STXBP5: variants seen among roughly 807,000 people sequenced by gnomAD.
STXBP5 encodes syntaxin-binding protein 5.
Under a neutral mutation model 152.4 loss-of-function variants are expected in STXBP5, and 50 were observed. The observed-to-expected ratio is 0.33, with a 90% CI of 0.26 to 0.42. The LOEUF (loss-of-function observed/expected upper bound fraction) is 0.42, where lower values mean the gene tolerates loss of function less well. Ranked by LOEUF, STXBP5 falls within the 10% of genes least tolerant of loss-of-function variation. The probability of loss-of-function intolerance (pLI) is 1.00; values close to 1 mark genes in which losing one functional copy is unlikely to be tolerated. For missense variants in STXBP5, 1,167 were observed against 1,388.6 expected (o/e 0.84, Z 2.54); for synonymous variants, 492 against 494.7 (o/e 0.99, Z 0.07).
chr6:147,323,247 A>G (rs1312740521), intron 16 of STXBP5, among the ~76,000 whole-genome samples: 1 of 152,032 alleles, frequency 6.6e-6, no homozygotes, highest in Non-Finnish European at 1.5e-5. Flanking sequence ...TACTCCATTA[A>G]TGTGTTTCAA....
At chr6:147,336,507 A>G (rs1296274526) in intron 19 of STXBP5, among the ~76,000 whole-genome samples, 1 of 151,982 alleles carries the variant, frequency 6.6e-6, no homozygotes, top group East Asian at 1.9e-4. Context: ...GGTGGTCAAA[A>G]AAGAATAACA....
intron 23 of STXBP5, among the ~76,000 whole-genome samples, chr6:147,361,610 G>T (rs1785070992): frequency 6.6e-6 from 1 of 152,052 alleles, no homozygotes; most frequent in South Asian, 2.1e-4. Context: ...TCTTCAAGAG[G>T]AAGATTCAAC....
At chr6:147,341,809 A>G (rs1784107609) in intron 21 of STXBP5, among the ~76,000 whole-genome samples, 2 of 152,144 alleles carry the variant, frequency 1.3e-5, no homozygotes, top group Admixed American at 6.6e-5. Flanking sequence ...AGCTGAGACT[A>G]TAATGATAAG....
At chr6:147,277,719 G>A (rs774032133) in intron 7 of STXBP5, among the ~76,000 whole-genome samples, 1 of 152,048 alleles carries the variant, frequency 6.6e-6, no homozygotes, top group Non-Finnish European at 1.5e-5. Context: ...ATTGCAACTA[G>A]TTTTTCTATT....
At chr6:147,281,900 A>T (rs1780720163) in intron 8 of STXBP5, among the ~76,000 whole-genome samples, 1 of 152,228 alleles carries the variant, frequency 6.6e-6, no homozygotes, top group Non-Finnish European at 1.5e-5. Context: ...TTAGGAAGTC[A>T]TTTAACATTT....
At chr6:147,343,172 T>C (rs1282677918) in intron 21 of STXBP5, among the ~76,000 whole-genome samples, 3 of 152,146 alleles carry the variant, frequency 2.0e-5, no homozygotes, top group Non-Finnish European at 4.4e-5. Flanking sequence ...GTATTCTTTA[T>C]GTGGTATTTA....
In STXBP5 at chr6:147,315,496, T is replaced by G. The variant is rs1782597771; in HGVS notation, c.1403-19T>G. The stretch of plus-strand genomic sequence containing the variant: ...TCATTTTATATTAAAGTATCTGACA[T>G]ATATTATCTTTTTTCCAGTAACTCT... On this transcript the variant is annotated intron_variant, in intron 14 of 27. Coordinates refer to ENST00000321680, the MANE Select transcript of STXBP5 (RefSeq NM_001127715.4). 2.0e-6 allele frequency: 3 copies of G among 1,493,886 alleles called. No individual in the cohort carries two copies. The allele number at this position is 1,493,886 out of a possible 1,614,324, so 92.5% of individuals were successfully genotyped here.
chr6:147,316,789 G>C (rs1782668017), intron 16 of STXBP5, among the ~76,000 whole-genome samples: 1 of 151,970 alleles, frequency 6.6e-6, no homozygotes, highest in African/African-American at 2.4e-5. Flanking sequence ...TTAAGACTCA[G>C]TTGTTTTCTA....
At chr6:147,376,545 C>T (rs933572639) in intron 26 of STXBP5, among the ~76,000 whole-genome samples, 3 of 152,086 alleles carry the variant, frequency 2.0e-5, no homozygotes, top group Non-Finnish European at 4.4e-5. Flanking sequence ...AGGCCAGCGT[C>T]GAGTCTCACA....
intron 9 of STXBP5, among the ~76,000 whole-genome samples, chr6:147,304,512 T>A (rs1285812462): frequency 6.6e-6 from 1 of 151,618 alleles, no homozygotes; most frequent in Admixed American, 6.6e-5. Flanking sequence ...AAATGTGGAG[T>A]CGGTGCCCCC....
chr6:147,355,881 A>G (rs1027298688), intron 22 of STXBP5, among the ~76,000 whole-genome samples: 5 of 152,170 alleles, frequency 3.3e-5, no homozygotes, highest in African/African-American at 1.2e-4. Context: ...CCAAACTTGT[A>G]TAAATAAGCC....
chr6:147,367,973 G>A (rs1164394448), intron 25 of STXBP5, among the ~76,000 whole-genome samples: 2 of 151,816 alleles, frequency 1.3e-5, no homozygotes, highest in Admixed American at 1.3e-4. Context: ...AAAAAAAATA[G>A]ATAACCGAAA....
intron 7 of STXBP5, among the ~76,000 whole-genome samples, chr6:147,270,166 A>G (rs1386343989): frequency 6.6e-6 from 1 of 152,234 alleles, no homozygotes; most frequent in South Asian, 2.1e-4. Context: ...TGGGAGGCCA[A>G]GGCGGGCAGA....
At chr6:147,272,979 TCTACAGATGATA>T (rs1780249740) in intron 7 of STXBP5, among the ~76,000 whole-genome samples, 1 of 152,202 alleles carries the variant, frequency 6.6e-6, no homozygotes, top group Non-Finnish European at 1.5e-5. Flanking sequence ...ACAGATATTT[TCTACAGATGATA>T]CTTCATCTAT....
In STXBP5 at chr6:147,310,103, TC is replaced by T; in HGVS notation, c.938del (p.Ser313Ter). On this transcript the variant is annotated frameshift_variant, in exon 10 of 28. Transcript: ENST00000321680. LOFTEE classifies it high-confidence loss of function. ...TTCCAGGGAGCCTTTTATTATTTTA[TC>T]AGGAGGTTTGTCATATGATACTGTA... ...TRSGEPFIIL[S>X]GGLSYDTVGR... 2 of 1,556,860 alleles carry T rather than the reference TC, an allele frequency of 1.3e-6. No homozygotes were observed. Among genetic ancestry groups the T allele is most frequent in the South Asian group, 1.2e-5 (1 of 80,378 alleles).
At chr6:147,331,469 A>G (rs1783565430) in intron 18 of STXBP5, among the ~76,000 whole-genome samples, 1 of 152,184 alleles carries the variant, frequency 6.6e-6, no homozygotes, top group Non-Finnish European at 1.5e-5. Flanking sequence ...GTGATACTAG[A>G]AAGGATATTT....
At chr6:147,384,546 C>G (rs1345543359) in intron 27 of STXBP5, among the ~76,000 whole-genome samples, 168 bp from the exon 28 acceptor site, 1 of 151,954 alleles carries the variant, frequency 6.6e-6, no homozygotes, top group East Asian at 1.9e-4. Flanking sequence ...GTATTTTTTC[C>G]TCCAAATAGA....
chr6:147,307,232 T>C (rs1428514627), intron 9 of STXBP5, among the ~76,000 whole-genome samples: 1 of 152,184 alleles, frequency 6.6e-6, no homozygotes, highest in African/African-American at 2.4e-5. Context: ...GACGTCTTTC[T>C]AACCTGGCTG....
intron 21 of STXBP5, among the ~76,000 whole-genome samples, chr6:147,343,371 C>G (rs755129008): frequency 3.3e-5 from 5 of 152,092 alleles, no homozygotes; most frequent in Non-Finnish European, 5.9e-5. Context: ...CTCAGTGATT[C>G]CTTTTTTAAA....
Sources: gnomAD v4.1 joint callset for allele counts (sites outside exome capture counted in the v4.1 genomes callset) on GRCh38, gnomAD v4.1.1 for gene constraint, MANE v1.5 for transcripts, NCBI Gene and HGNC (gene_info 2026-07-23, HGNC 2026-07-21) for gene names.